Variants in ATP2C2 observed in about 807,000 individuals in gnomAD.
ATP2C2 encodes ATPase secretory pathway Ca2+ transporting 2.
A neutral mutation model predicts 110.8 loss-of-function variants in ATP2C2; 171 were observed. The observed-to-expected ratio is 1.54, with a 90% CI of 1.36 to 1.75. ATP2C2 has a LOEUF of 1.75. ATP2C2 is among the 40% of genes most tolerant of loss of function. ATP2C2 has a pLI of 0.00. For synonymous variants in ATP2C2, 804 were observed against 508.4 expected, an observed-to-expected ratio of 1.58 and a Z score of -7.82; for missense variants, 1,963 against 1,235.0, an observed-to-expected ratio of 1.59 and a Z score of -8.84.
chr16:84,394,608 A>C (rs866402189), intron 1 of ATP2C2, among the ~76,000 whole-genome samples: 1 of 151,880 alleles, frequency 6.6e-6, no homozygotes, highest in African/African-American at 2.4e-5. Flanking sequence ...AGAAGTCAAA[A>C]CTCAAGGAGT....
chr16:84,406,126 G>A (rs914195916), intron 3 of ATP2C2, among the ~76,000 whole-genome samples: 1 of 152,218 alleles, frequency 6.6e-6, no homozygotes, highest in Non-Finnish European at 1.5e-5. Context: ...AGTGCAGCCA[G>A]GGAGCTGCAC....
intron 25 of ATP2C2, 28 bp downstream of exon 25, chr16:84,461,840 G>T: frequency 1.2e-6 from 2 of 1,610,472 alleles, no homozygotes; most frequent in Non-Finnish European, 1.7e-6. Context: ...CCTCCTCGCT[G>T]CAGAGCTGCT....
chr16:84,435,767 C>T lies in ATP2C2; in HGVS notation c.987-3399C>T, dbSNP rs148934497. On this transcript the variant is annotated intron_variant, in intron 11 of 26. Transcript: ENST00000262429. The stretch of plus-strand genomic sequence containing the variant: ...GCTTGAGTCCAGGAGGTCAAGGCTG[C>T]GGTGAGCCTTGATGGTGACACTGCA... 5.2e-3 allele frequency among the ~76,000 whole-genome samples: 797 copies of T among 152,048 alleles called. 8 individuals are homozygous for T. Among genetic ancestry groups the T allele is most frequent in the African/African-American group, 0.018 (757 of 41,454 alleles).
At chr16:84,420,128 C>T (rs2150540220) in intron 7 of ATP2C2, among the ~76,000 whole-genome samples, 1 of 152,292 alleles carries the variant, frequency 6.6e-6, no homozygotes, top group African/African-American at 2.4e-5. Flanking sequence ...TGTCCCTCCT[C>T]CCAGGCCTTT....
At position 84,374,198 on chromosome 16, in the gene ATP2C2, A is replaced by G. The variant is rs1910124503; in HGVS notation, c.99+5484A>G. 2.0e-5 allele frequency among the ~76,000 whole-genome samples: 3 copies of G among 150,956 alleles called. No individual in the cohort carries two copies. The South Asian group carries it at 6.3e-4, about 32-fold the overall frequency. On this transcript the variant is annotated intron_variant, in intron 1 of 26. Transcript: ENST00000262429. ...TAAGGCACCTGCTTGTGACGTGACT[A>G]CACTTCTCAATATTTAGGTATCTTA...
intron 11 of ATP2C2, among the ~76,000 whole-genome samples, chr16:84,434,773 G>A (rs187734441): frequency 2.6e-5 from 4 of 152,124 alleles, no homozygotes; most frequent in Non-Finnish European, 4.4e-5. Flanking sequence ...CCGTTTCTGC[G>A]TTTCAAAGTG....
intron 14 of ATP2C2, among the ~76,000 whole-genome samples, chr16:84,441,891 C>G (rs774719661): frequency 1.1e-4 from 17 of 152,100 alleles, no homozygotes; most frequent in Non-Finnish European, 2.2e-4. Context: ...CCACTGCACT[C>G]CACCCTGGGT....
intron 15 of ATP2C2, among the ~76,000 whole-genome samples, chr16:84,443,295 C>T (rs1034362504): frequency 6.6e-6 from 1 of 152,224 alleles, no homozygotes; most frequent in African/African-American, 2.4e-5. Flanking sequence ...GCTCCCACGT[C>T]TGTTTCCATG....
chr16:84,393,742 T>G (rs1422613684), intron 1 of ATP2C2, among the ~76,000 whole-genome samples: 8 of 115,596 alleles, frequency 6.9e-5, no homozygotes, highest in African/African-American at 1.0e-4. Flanking sequence ...AGGCTATGGG[T>G]GTGGGGGGAG....
intron 17 of ATP2C2, among the ~76,000 whole-genome samples, chr16:84,450,483 G>T (rs369574150): frequency 5.3e-5 from 8 of 152,162 alleles, no homozygotes; most frequent in African/African-American, 1.4e-4. Flanking sequence ...GGAGCACGGA[G>T]GCAGGAGTAT....
chr16:84,377,692 G>C (rs1180850068), intron 1 of ATP2C2, among the ~76,000 whole-genome samples: 1 of 152,118 alleles, frequency 6.6e-6, no homozygotes, highest in Non-Finnish European at 1.5e-5. Context: ...CACTTTCTGA[G>C]GATATGGGGT....
intron 1 of ATP2C2, among the ~76,000 whole-genome samples, chr16:84,379,693 C>T (rs1910464072): frequency 6.6e-6 from 1 of 152,198 alleles, no homozygotes; most frequent in Non-Finnish European, 1.5e-5. Context: ...AGCTTCTCTG[C>T]GTGTCTCAGA....
intron 11 of ATP2C2, among the ~76,000 whole-genome samples, chr16:84,428,931 G>A (rs954831560): frequency 1.3e-5 from 2 of 152,178 alleles, no homozygotes; most frequent in African/African-American, 4.8e-5. Context: ...CAGTGGTGCT[G>A]TACAGGTGTC....
chr16:84,445,576 C>T (rs1909672491), intron 15 of ATP2C2, among the ~76,000 whole-genome samples: 1 of 152,136 alleles, frequency 6.6e-6, no homozygotes, highest in Non-Finnish European at 1.5e-5. Context: ...ACGATATCTG[C>T]AAAGGCGCTA....
chr16:84,446,216 G>T, intron 15 of ATP2C2, 113 bp from the exon 16 acceptor site: 1 of 514,246 alleles, frequency 1.9e-6, no homozygotes. Context: ...TAAATGCTTG[G>T]ATTTCTTATC....
intron 2 of ATP2C2, among the ~76,000 whole-genome samples, chr16:84,403,394 C>T (rs975022820): frequency 6.6e-6 from 1 of 152,140 alleles, no homozygotes; most frequent in Non-Finnish European, 1.5e-5. Flanking sequence ...CAGCCTCCAC[C>T]TCCTGGGCTT....
chr16:84,408,582 G>A (rs1052767754), intron 4 of ATP2C2, 88 bp downstream of exon 4: 38 of 1,075,784 alleles, frequency 3.5e-5, no homozygotes, highest in Non-Finnish European at 5.0e-5. Flanking sequence ...AGAAAAAAAA[G>A]AGTTTGCTGT....
intron 24 of ATP2C2, chr16:84,461,444 G>T: frequency 3.5e-6 from 2 of 570,324 alleles, no homozygotes; most frequent in Non-Finnish European, 6.2e-6. Flanking sequence ...CTCCCAGGGA[G>T]ACAGTTACTT....
chr16:84,401,222 CT>C (rs55635029), intron 2 of ATP2C2, among the ~76,000 whole-genome samples: 34 of 121,554 alleles, frequency 2.8e-4, no homozygotes, highest in African/African-American at 3.1e-4. Flanking sequence ...AGTCTTTAAT[CT>C]TTTTTTTTTT....
Sources: allele counts gnomAD v4.1 joint callset (sites outside exome capture counted in the v4.1 genomes callset), GRCh38; gene constraint gnomAD v4.1.1; transcripts MANE v1.5; gene names NCBI Gene and HGNC (gene_info 2026-07-23, HGNC 2026-07-21).